The following OSBPL5 variants were observed in gnomAD, a reference collection of about 807,000 sequenced individuals.
The protein encoded by OSBPL5 is oxysterol-binding protein-related protein 5.
OSBPL5 carries 71 observed loss-of-function variants against 111.2 expected under a neutral mutation model. The ratio of observed to expected loss-of-function variants is 0.64; its 90% CI spans 0.53 to 0.78. The LOEUF is 0.78. Among genes scored for constraint, OSBPL5 ranks in the 30% least tolerant of loss-of-function variants. The probability of loss-of-function intolerance (pLI) is 0.00; values close to 1 mark genes in which losing one functional copy is unlikely to be tolerated. For missense variants in OSBPL5, 1,210 were observed against 1,189.3 expected (o/e 1.02, Z -0.26); for synonymous variants, 549 against 513.9 (o/e 1.07, Z -0.93).
chr11:3,164,930 G>C (rs1009631752), intron 1 of OSBPL5, among the ~76,000 whole-genome samples: 1 of 150,798 alleles, frequency 6.6e-6, no homozygotes, highest in African/African-American at 2.5e-5. Flanking sequence ...TCCCACTCGC[G>C]GGCCCCACCC....
intron 14 of OSBPL5, among the ~76,000 whole-genome samples, chr11:3,095,957 G>GA (rs954335266): frequency 6.6e-6 from 1 of 152,118 alleles, no homozygotes; most frequent in African/African-American, 2.4e-5. Flanking sequence ...GCGTCGTGTT[G>GA]AAAAAAACTG....
Position 3,129,645 on chromosome 11 carries a change from C to T in OSBPL5, c.-21-476G>A, listed in dbSNP as rs1442647421. On this transcript the variant is annotated intron_variant, in intron 1 of 21. Transcript: ENST00000263650. ...GCTGAGCACCAGGGAGTGGCTGGCACGGTGTTGGGCAGTCCGGGAGCCTGG... is the reference window on the plus strand; with the variant it reads ...GCTGAGCACCAGGGAGTGGCTGGCATGGTGTTGGGCAGTCCGGGAGCCTGG... 5.9e-5 allele frequency among the ~76,000 whole-genome samples: 9 copies of T among 152,252 alleles called. No homozygotes were observed. In the East Asian group the frequency reaches 7.7e-4, roughly 13 times the overall value.
At chr11:3,149,249 T>C (rs1846479823) in intron 1 of OSBPL5, among the ~76,000 whole-genome samples, 1 of 152,234 alleles carries the variant, frequency 6.6e-6, no homozygotes, top group Admixed American at 6.5e-5. Flanking sequence ...AAGGCCGGAA[T>C]GCAGCAGAGG....
At position 3,150,505 on chromosome 11, in the gene OSBPL5, G is replaced by A. The variant is rs977084341; in HGVS notation, c.-22+14711C>T. Among the ~76,000 whole-genome samples the A allele has an allele frequency of 4.6e-5, 7 of 152,210 alleles. No homozygotes were observed. In the East Asian group the frequency reaches 5.8e-4, roughly 13 times the overall value. On this transcript the variant is annotated intron_variant, in intron 1 of 21. Transcript: ENST00000263650. ...CAAGCTGGGCTGCCATGTCAGCAGC[G>A]TGCAGACACCATCTCAGGGGCAAGA...
In OSBPL5 at chr11:3,088,209, T is replaced by C. The variant is rs1465527722; in HGVS notation, c.2636A>G (p.Lys879Arg). 6.3e-7 allele frequency: 1 copy of C among 1,586,910 alleles called. No homozygotes were observed. The highest frequency in any genetic ancestry group is 8.6e-7 in the Non-Finnish European group (1 of 1,165,080). The change falls in exon 22 of 22, where the codon AAA becomes AGA. Residue 879 changes from lysine to arginine, a missense_variant. Lys to Arg is a conservative substitution (Grantham distance 26). Transcript: ENST00000263650. ...ACQLFINHILK is the reference protein window; with the variant it reads ...ACQLFINHILR ...GGAGCTCTGCCCTCAGGGCTCCTATTTGAGGATGTGGTTAATGAACAGCTG... is the reference window on the plus strand; with the variant it reads ...GGAGCTCTGCCCTCAGGGCTCCTATCTGAGGATGTGGTTAATGAACAGCTG...
rs765225072 is a variant in OSBPL5 at position 3,142,695 on chromosome 11, ACCTGTC to A, written c.-21-13532_-21-13527del. Among the ~76,000 whole-genome samples, 175 of 151,966 alleles carry A rather than the reference ACCTGTC, an allele frequency of 1.2e-3. No individual in the cohort carries two copies. The highest frequency in any genetic ancestry group is 1.9e-3 in the South Asian group (9 of 4,800). On this transcript the variant is annotated intron_variant, in intron 1 of 21. Coordinates refer to ENST00000263650, the MANE Select transcript of OSBPL5 (RefSeq NM_020896.4). This position sits in a 1 kb window ranked among gnomAD's most constrained non-coding sequence, Gnocchi z 7.1. ...TCCTCATAGACCCACTCAGGTGGAG[ACCTGTC>A]CCTCTGTCTCCGTGTCCGCGGGGCC...
rs774470509 is a variant in OSBPL5, at chr11:3,090,549, G to A, written c.2398+9C>T. ...CAGAGGCCTTGGGGCTGGGCCCAAGGGGGCTCACCAGGGACAAAGTCACCA... is the reference window on the plus strand; with the variant it reads ...CAGAGGCCTTGGGGCTGGGCCCAAGAGGGCTCACCAGGGACAAAGTCACCA... On this transcript the variant is annotated intron_variant, in intron 20 of 21. Transcript: ENST00000263650. 19 of 1,611,658 alleles carry A rather than the reference G, an allele frequency of 1.2e-5. No homozygotes were observed. The highest frequency in any genetic ancestry group is 1.6e-4 in the Middle Eastern group (1 of 6,072).
In OSBPL5 at chr11:3,092,599, C is replaced by T; in HGVS notation, c.2133-41G>A. 1 of 1,533,160 alleles carries T rather than the reference C, an allele frequency of 6.5e-7. No homozygotes were observed. The highest frequency in any genetic ancestry group is 8.8e-7 in the Non-Finnish European group (1 of 1,133,392). 95.0% of individuals were successfully genotyped at this position (1,533,160 alleles called of 1,614,324 possible). ...GGCGTTCATCAGCACAGGCAGTGGCCCTCAGGTGAGGGGGCTGTCCTGGCC... is the reference window on the plus strand; with the variant it reads ...GGCGTTCATCAGCACAGGCAGTGGCTCTCAGGTGAGGGGGCTGTCCTGGCC... On this transcript the variant is annotated intron_variant, in intron 18 of 21. Transcript: ENST00000263650. The surrounding 1 kb of genome is among the most constrained non-coding windows in gnomAD (Gnocchi z 5.4).
chr11:3,119,280 G>A (rs563447746), intron 7 of OSBPL5, among the ~76,000 whole-genome samples: 3 of 152,302 alleles, frequency 2.0e-5, no homozygotes, highest in Non-Finnish European at 2.9e-5. Flanking sequence ...CAAAGTGCTG[G>A]GATTACAGGT....
At chr11:3,103,823 GCCCCCTTCCAGC>G (rs1564830488) in intron 10 of OSBPL5, among the ~76,000 whole-genome samples, 28 of 29,070 alleles carry the variant, frequency 9.6e-4, no homozygotes, top group South Asian at 6.0e-3. Context: ...TGCCTGCGCA[GCCCCCTTCCAGC>G]CTCTGCAGCC....
chr11:3,143,208 AGGGGGGCAGAGGAGGCAGGTGCGG>A (rs1365610025), intron 1 of OSBPL5, among the ~76,000 whole-genome samples: 22 of 36,976 alleles, frequency 5.9e-4, no homozygotes, highest in East Asian at 9.6e-4. Context: ...GCAGGTGCAG[AGGGGGGCAGAGGAGGCAGGTGCGG>A]GGGGGGCAGA....
chr11:3,093,634 C>A lies in OSBPL5; in HGVS notation c.1839G>T (p.Gly613=). Residue 613 remains glycine, a synonymous_variant, in exon 17 of 22, where the codon GGG becomes GGT. Transcript: ENST00000263650. The stretch of plus-strand genomic sequence containing the variant: ...TCCAGAAAAGCGCACTGCTTCCGCT[C>A]CCTTCCTCCTTGATAAACACGTCCC... ...WDRDVFIKEE[G]SGSSALFWTP... is the part of the protein sequence containing the mutation. 7 of 1,613,206 alleles carry A rather than the reference C, an allele frequency of 4.3e-6. No homozygotes were observed. Among genetic ancestry groups the A allele is most frequent in the African/African-American group, 1.3e-5 (1 of 75,068 alleles).
intron 10 of OSBPL5, 106 bp from the exon 11 acceptor site, chr11:3,103,426 G>A (rs1857526059): frequency 9.7e-7 from 1 of 1,028,814 alleles, no homozygotes; most frequent in Non-Finnish European, 1.4e-6. Context: ...CCACTCAGCT[G>A]GAAACAGGCC....
rs757876745 is a variant in OSBPL5 at position 3,093,582 on chromosome 11, T to C, written c.1891A>G (p.Arg631Gly). ...AGCGGCACCGTGTGCTGCCTCAGCC[T>C]CTGTCTGCGGACCTCCCCGCTCGGG... ...WTPSGEVRRQ[R>G]LRQHTVPLEE... is the part of the protein sequence containing the mutation. The change falls in exon 17 of 22, where the codon AGG (arginine) becomes GGG (glycine). Residue 631 changes from arginine (R) to glycine (G), a missense_variant. Arg to Gly is a moderately radical substitution (Grantham distance 125, BLOSUM62 -2). Coordinates refer to ENST00000263650, the MANE Select transcript of OSBPL5 (RefSeq NM_020896.4). 4.3e-6 allele frequency: 7 copies of C among 1,612,366 alleles called. No individual in the cohort carries two copies. Among genetic ancestry groups the C allele is most frequent in the Admixed American group, 3.3e-5 (2 of 60,006 alleles).
intron 1 of OSBPL5, among the ~76,000 whole-genome samples, chr11:3,160,672 T>TCCCCC (rs71035491): frequency 3.3e-5 from 4 of 122,538 alleles, no homozygotes; most frequent in South Asian, 3.2e-4. Context: ...ATGACAACCC[T>TCCCCC]CCCCCCCCCC....
chr11:3,105,622 C>T lies in OSBPL5; in HGVS notation c.1060-1245G>A, dbSNP rs938745598. Among the ~76,000 whole-genome samples the T allele has an allele frequency of 3.3e-5, 5 of 152,162 alleles. No individual in the cohort carries two copies. The highest frequency in any genetic ancestry group is 1.2e-4 in the African/African-American group (5 of 41,448). On this transcript the variant is annotated intron_variant, in intron 9 of 21. Transcript: ENST00000263650. The surrounding 1 kb of genome is among the most constrained non-coding windows in gnomAD (Gnocchi z 5.2). ...ACTCCTCACTGGTCCAGCAGCCATCCCTGCTTCTCATCCTGCCCCACCTCT... is the reference window on the plus strand; with the variant it reads ...ACTCCTCACTGGTCCAGCAGCCATCTCTGCTTCTCATCCTGCCCCACCTCT...
In OSBPL5 at chr11:3,089,944, A is replaced by T; in HGVS notation, c.2403T>A (p.Gly801=). Reference sequence around the variant, plus strand: ...TCCTGCACCGAGGGCATGGGCTCTCACCGCCTGGGACGGCCCCGAGTGAGA... The same window carrying T: ...TCCTGCACCGAGGGCATGGGCTCTCTCCGCCTGGGACGGCCCCGAGTGAGA... The part of the protein sequence containing the change: ...EEQDGDFVPG[G]ESPCPRCRKE... Residue 801 remains glycine (G), a synonymous_variant, in exon 21 of 22, where the codon GGT becomes GGA. Transcript: ENST00000263650. The T allele has an allele frequency of 6.5e-7, 1 of 1,543,084 alleles. No homozygotes were observed. Among genetic ancestry groups the T allele is most frequent in the Non-Finnish European group, 8.8e-7 (1 of 1,141,778 alleles).
intron 7 of OSBPL5, among the ~76,000 whole-genome samples, chr11:3,118,546 G>A (rs1198267055): frequency 6.6e-6 from 1 of 151,622 alleles, no homozygotes; most frequent in Non-Finnish European, 1.5e-5. Context: ...CACAGGCACG[G>A]CCTCAACCTT....
chr11:3,097,213 C>T (rs969460014), intron 14 of OSBPL5, among the ~76,000 whole-genome samples: 2 of 148,864 alleles, frequency 1.3e-5, no homozygotes, highest in Non-Finnish European at 3.0e-5. Context: ...TCTGAGGTTG[C>T]CGTGGAAAGT....
Sources: gnomAD v4.1 joint callset for allele counts (sites outside exome capture counted in the v4.1 genomes callset) on GRCh38, gnomAD v4.1.1 for gene constraint, Gnocchi (gnomAD v3.1) non-coding constraint, MANE v1.5 for transcripts, NCBI Gene and HGNC (gene_info 2026-07-23, HGNC 2026-07-21) for gene names.